Variants in VPS13D observed in about 807,000 individuals in gnomAD.
VPS13D encodes the protein vacuolar protein sorting 13 homolog D, also known as intermembrane lipid transfer protein VPS13D.
Under a neutral mutation model 461.9 loss-of-function variants are expected in VPS13D, and 187 were observed. That is an observed-to-expected ratio of 0.40 (90% CI 0.36 to 0.46). The LOEUF (loss-of-function observed/expected upper bound fraction) is 0.46. VPS13D is among the 20% of genes least tolerant of loss of function. VPS13D has a pLI of 0.60. For missense variants in VPS13D, 4,711 were observed against 5,364.9 expected, an observed-to-expected ratio of 0.88 and a Z score of 3.81; for synonymous variants, 1,951 against 1,986.3, an observed-to-expected ratio of 0.98 and a Z score of 0.47.
chr1:12,384,772 C>T (rs1160326376), intron 58 of VPS13D, among the ~76,000 whole-genome samples: 1 of 152,136 alleles, frequency 6.6e-6, no homozygotes, highest in East Asian at 1.9e-4. Flanking sequence ...GTGCATGCCA[C>T]CATGCTTAGC....
intron 67 of VPS13D, chr1:12,478,979 C>G (rs944687684): frequency 5.0e-5 from 22 of 443,542 alleles, no homozygotes; most frequent in South Asian, 2.2e-4. Flanking sequence ...TCTGGCCTTC[C>G]ACAGCTACGC....
chr1:12,406,107 GT>G (rs767482675), intron 63 of VPS13D, among the ~76,000 whole-genome samples: 50 of 152,218 alleles, frequency 3.3e-4, no homozygotes, highest in Non-Finnish European at 5.3e-4. Context: ...GAGCAGCCAT[GT>G]GATGAGGTGT....
chr1:12,245,187 T>C (rs192752929), intron 5 of VPS13D, among the ~76,000 whole-genome samples: 3 of 152,340 alleles, frequency 2.0e-5, no homozygotes, highest in Non-Finnish European at 2.9e-5. Flanking sequence ...ATTATACTTT[T>C]GTTTCATCCT....
At chr1:12,408,566 T>C (rs1644684835) in intron 63 of VPS13D, among the ~76,000 whole-genome samples, 1 of 152,198 alleles carries the variant, frequency 6.6e-6, no homozygotes, top group South Asian at 2.1e-4. Context: ...AGTTTTACCA[T>C]GTTGCCCAGG....
chr1:12,263,950 G>A (rs1225491204), intron 13 of VPS13D, among the ~76,000 whole-genome samples: 1 of 152,186 alleles, frequency 6.6e-6, no homozygotes, highest in African/African-American at 2.4e-5. Context: ...GTTTAAAAAT[G>A]AGCAAGTCTA....
At chr1:12,400,962 G>GCACA (rs55998605) in intron 61 of VPS13D, among the ~76,000 whole-genome samples, 2,038 of 106,226 alleles carry the variant, frequency 0.019, 19 homozygotes, top group Admixed American at 0.03. Context: ...CTGCGCGCGC[G>GCACA]CACACACACA....
At chr1:12,405,965 C>A (rs184417368) in intron 63 of VPS13D, among the ~76,000 whole-genome samples, 1 of 152,190 alleles carries the variant, frequency 6.6e-6, no homozygotes, top group South Asian at 2.1e-4. Context: ...CCAGCCCCCC[C>A]CAGTTACATG....
rs765056949 is a variant in VPS13D, at chr1:12,283,225, A to G, written c.5123A>G (p.Gln1708Arg). The change falls in exon 21 of 70, where the codon CAG (glutamine) becomes CGG (arginine). Residue 1708 changes from glutamine to arginine, a missense_variant. This residue lies in a region of VPS13D where 4,411 missense variants were observed against 4,937.8 expected (regional missense o/e 0.89). Coordinates refer to ENST00000620676, the MANE Select transcript of VPS13D (RefSeq NM_015378.4). ...TTAGCACAAAAAGAATACCTTTCTC[A>G]GTCTTGCCCCTCAGTGTCCAATGTG... ...SSLAQKEYLS[Q>R]SCPSVSNVEY... The G allele has an allele frequency of 6.2e-7, 1 of 1,614,152 alleles. No homozygotes were observed. Among genetic ancestry groups the G allele is most frequent in the Non-Finnish European group, 8.5e-7 (1 of 1,180,022 alleles).
rs1257792932 is a variant in VPS13D at position 12,387,024 on chromosome 1, G to A, written c.11634+690G>A. ...GAAAAACTCTGAAGATCTATAGACC[G>A]TCCCTCTTGAGTATTTAGCCAAGTA... On this transcript the variant is annotated intron_variant, in intron 60 of 69. Transcript: ENST00000620676. 5.9e-5 allele frequency among the ~76,000 whole-genome samples: 9 copies of A among 152,120 alleles called. No homozygotes were observed. In the South Asian group the frequency reaches 8.3e-4, roughly 14 times the overall value.
At chr1:12,362,924 CTG>C (rs1643972232) in intron 51 of VPS13D, 74 bp downstream of exon 51, 2 of 1,598,162 alleles carry the variant, frequency 1.3e-6, no homozygotes, top group African/African-American at 1.3e-5. Flanking sequence ...TCTGTGAAGA[CTG>C]TACGTTCTGT....
rs77952872 is a variant in VPS13D, at chr1:12,254,747, C to T, written c.669+921C>T. On this transcript the variant is annotated intron_variant, in intron 7 of 69. Transcript: ENST00000620676. ...CCATATTGGCCAGGCCGGCTGGTCT[C>T]GAACTCCTGACCTCAAGTGATCCAC... 1.6e-3 allele frequency among the ~76,000 whole-genome samples: 248 copies of T among 151,588 alleles called. 1 individual carries two copies. The highest frequency in any genetic ancestry group is 5.4e-3 in the African/African-American group (225 of 41,326).
chr1:12,397,131 G>A (rs200770492), intron 60 of VPS13D, among the ~76,000 whole-genome samples: 3 of 151,958 alleles, frequency 2.0e-5, no homozygotes, highest in Non-Finnish European at 4.4e-5. Context: ...ATGGGGTTTC[G>A]CCATGTTGGC....
intron 3 of VPS13D, among the ~76,000 whole-genome samples, chr1:12,243,772 G>A (rs879759891): frequency 2.0e-5 from 3 of 152,194 alleles, no homozygotes; most frequent in Non-Finnish European, 4.4e-5. Context: ...TTGAGAGAAG[G>A]CCAGCACCAT....
chr1:12,429,381 C>T (rs1012799521), intron 65 of VPS13D, among the ~76,000 whole-genome samples: 1 of 152,072 alleles, frequency 6.6e-6, no homozygotes, highest in Non-Finnish European at 1.5e-5. Context: ...CAACCTCTGC[C>T]GCCTAGGTTC....
chr1:12,278,097 A>G, intron 19 of VPS13D, 59 bp downstream of exon 19: 4 of 1,510,974 alleles, frequency 2.6e-6, no homozygotes, highest in Non-Finnish European at 3.6e-6. Flanking sequence ...CAGCTCACGG[A>G]GTCCTTTGCG....
In VPS13D at chr1:12,282,866, G is replaced by T; in HGVS notation, c.4764G>T (p.Arg1588Ser). 1 of 1,614,146 alleles carries T rather than the reference G, an allele frequency of 6.2e-7. No individual in the cohort carries two copies. Among genetic ancestry groups the T allele is most frequent in the Non-Finnish European group, 8.5e-7 (1 of 1,180,020 alleles). The change falls in exon 21 of 70, where the codon AGG becomes AGT. Residue 1588 changes from arginine (R) to serine (S), a missense_variant. Around this residue, in one of 3 missense-constraint regions of VPS13D, gnomAD observed 4,411 missense variants for 4,937.8 expected, o/e 0.89. Coordinates refer to ENST00000620676, the MANE Select transcript of VPS13D (RefSeq NM_015378.4). ...CCTGTGGAGAATCTTCTGTTGAAAG[G>T]AAGGAGAATGGATTGTTCAGCCACT... Reference protein sequence around the residue: ...LSTCGESSVERKENGLFSHSS... With the variant: ...LSTCGESSVESKENGLFSHSS...
intron 63 of VPS13D, among the ~76,000 whole-genome samples, chr1:12,404,435 G>A (rs1397168686): frequency 2.0e-5 from 3 of 152,116 alleles, no homozygotes; most frequent in Non-Finnish European, 4.4e-5. Flanking sequence ...ATTGTCACTA[G>A]GATTGTCTAC....
intron 65 of VPS13D, among the ~76,000 whole-genome samples, chr1:12,435,683 C>T (rs1645050608): frequency 1.3e-5 from 2 of 151,414 alleles, no homozygotes; most frequent in Admixed American, 1.3e-4. Context: ...AGAGCCCGTC[C>T]TCTTAATACC....
At chr1:12,401,005 A>AC (rs1416788989) in intron 61 of VPS13D, among the ~76,000 whole-genome samples, 1 of 122,040 alleles carries the variant, frequency 8.2e-6, no homozygotes, top group African/African-American at 3.2e-5. Context: ...CACACACACA[A>AC]TAACCCTGAA....
Sources: allele counts gnomAD v4.1 joint callset (sites outside exome capture counted in the v4.1 genomes callset), GRCh38; gene constraint gnomAD v4.1.1; regional missense constraint gnomAD v4.1.1; transcripts MANE v1.5; gene names NCBI Gene and HGNC (gene_info 2026-07-23, HGNC 2026-07-21).